The following FXYD3 variants were observed in gnomAD, a reference collection of about 807,000 sequenced individuals.
FXYD3 encodes FXYD domain-containing ion transport regulator 3.
Under a neutral mutation model 19.2 loss-of-function variants are expected in FXYD3, and 13 were observed. That is an observed-to-expected ratio of 0.68 (90% CI 0.44 to 1.08). The LOEUF (loss-of-function observed/expected upper bound fraction) is 1.08, where lower values mean the gene tolerates loss of function less well. Ranked by LOEUF, FXYD3 falls within the 50% of genes least tolerant of loss-of-function variation. The pLI is 0.00. For missense variants in FXYD3, 101 were observed against 109.4 expected, an observed-to-expected ratio of 0.92 and a Z score of 0.34; for synonymous variants, 48 against 38.9, an observed-to-expected ratio of 1.23 and a Z score of -0.87.
intron 2 of FXYD3, among the ~76,000 whole-genome samples, chr19:35,117,752 T>G (rs187227849): frequency 0.15 from 320 of 2,072 alleles, 12 homozygotes; most frequent in African/African-American, 0.33. Flanking sequence ...CAGGCTTTCT[T>G]CCCGCAAAAA....
intron 2 of FXYD3, chr19:35,119,153 C>G (rs1421635402): frequency 6.5e-7 from 1 of 1,543,068 alleles, no homozygotes; most frequent in South Asian, 1.2e-5. Flanking sequence ...GTTATTATGG[C>G]TCCTCCCGCC....
chr19:35,116,071 A>T (rs1282140267), intron 1 of FXYD3, 112 bp downstream of exon 1: 1 of 202,526 alleles, frequency 4.9e-6, no homozygotes, highest in African/African-American at 2.3e-5. Context: ...GATTGGAGAA[A>T]GCTCCTCCCT....
Position 35,123,738 on chromosome 19 carries a change from A to C in FXYD3, c.*281A>C. 1.9e-6 allele frequency: 1 copy of C among 540,170 alleles called. No homozygotes were observed. Among genetic ancestry groups the C allele is most frequent in the Admixed American group, 3.2e-5 (1 of 30,780 alleles). The allele number at this position is 540,170 out of a possible 1,614,324, so 33.5% of individuals were successfully genotyped here. ...AGGTTGGCGTGCCCTGGAGGCTGACACAGAGGCTGGCACTGAGCCTGCTTG... is the reference window on the plus strand; with the variant it reads ...AGGTTGGCGTGCCCTGGAGGCTGACCCAGAGGCTGGCACTGAGCCTGCTTG... On this transcript the variant is annotated 3_prime_UTR_variant, in exon 9 of 9. Transcript: ENST00000604404.
At chr19:35,117,310 G>A (rs1294339062) in intron 2 of FXYD3, 1 of 1,510,864 alleles carries the variant, frequency 6.6e-7, no homozygotes, top group African/African-American at 1.4e-5. Flanking sequence ...GACATCATGG[G>A]AAGGGGGTAT....
chr19:35,117,169 C>T, intron 2 of FXYD3: 1 of 1,377,132 alleles, frequency 7.3e-7, no homozygotes, highest in South Asian at 1.9e-5. Flanking sequence ...CCTCTTCAGA[C>T]AACAGCCTGA....
At chr19:35,120,983 C>T (rs1282046687) in intron 3 of FXYD3, 95 bp from the exon 4 acceptor site, 1 of 1,382,530 alleles carries the variant, frequency 7.2e-7, no homozygotes, top group Non-Finnish European at 1.0e-6. Flanking sequence ...GCAGGAGACC[C>T]TTTCCCAAGG....
chr19:35,123,742 A>G lies in FXYD3; in HGVS notation c.*285A>G. 1.9e-6 allele frequency: 1 copy of G among 530,634 alleles called. No homozygotes were observed. The highest frequency in any genetic ancestry group is 3.2e-5 in the East Asian group (1 of 31,092). 32.9% of individuals were successfully genotyped at this position (530,634 alleles called of 1,614,324 possible). A position where few individuals can be genotyped will look rare whatever the true frequency, so the allele number is the denominator to read the frequency against. ...TGGCGTGCCCTGGAGGCTGACACAG[A>G]GGCTGGCACTGAGCCTGCTTGTTGG... On this transcript the variant is annotated 3_prime_UTR_variant, in exon 9 of 9. Transcript: ENST00000604404.
chr19:35,120,556 C>T (rs1032365375), intron 3 of FXYD3, among the ~76,000 whole-genome samples: 2 of 152,176 alleles, frequency 1.3e-5, no homozygotes, highest in African/African-American at 2.4e-5. Flanking sequence ...TAGGGCAAGA[C>T]CAGTATTCCC....
chr19:35,121,616 G>A (rs1030638332), intron 5 of FXYD3: 14 of 1,137,066 alleles, frequency 1.2e-5, no homozygotes, highest in South Asian at 3.8e-5. Context: ...CCTACTCCCC[G>A]CTCTGCCCTC....
chr19:35,122,794 A>T lies in FXYD3; in HGVS notation c.127A>T (p.Ile43Phe), dbSNP rs1381565382. 6.2e-7 allele frequency: 1 copy of T among 1,613,652 alleles called. No homozygotes were observed. The highest frequency in any genetic ancestry group is 8.5e-7 in the Non-Finnish European group (1 of 1,179,732). Residue 43 changes from isoleucine (I) to phenylalanine (F), a missense_variant, in exon 6 of 9, where the codon ATC (isoleucine) becomes TTC (phenylalanine). By Grantham distance (21) the Ile-to-Phe change is conservative. Coordinates refer to ENST00000604404, the MANE Select transcript of FXYD3 (RefSeq NM_005971.4). ...GCACAGCCTCCAGGTTGGCGGGCTC[A>T]TCTGCGCTGGGGTTCTGTGCGCCAT... is the stretch of plus-strand genomic sequence containing the variant. ...DWHSLQVGGL[I>F]CAGVLCAMGI...
Position 35,121,128 on chromosome 19 carries a change from C to T in FXYD3, c.73+18C>T. 6.2e-7 allele frequency: 1 copy of T among 1,613,860 alleles called. No individual in the cohort carries two copies. The highest frequency in any genetic ancestry group is 2.2e-5 in the East Asian group (1 of 44,886). On this transcript the variant is annotated intron_variant, in intron 4 of 8. Transcript: ENST00000604404. ...CCTAGAAGGTGAGTCAGACTGGACTCTCACCCGTCACACCCCCAAATTCTC... is the reference window on the plus strand; with the variant it reads ...CCTAGAAGGTGAGTCAGACTGGACTTTCACCCGTCACACCCCCAAATTCTC...
chr19:35,122,593 T>C, intron 5 of FXYD3, 172 bp from the exon 6 acceptor site: 1 of 619,814 alleles, frequency 1.6e-6, no homozygotes, highest in Non-Finnish European at 2.9e-6. Flanking sequence ...CAGATCGTGT[T>C]TGCTGGTGTG....
intron 3 of FXYD3, among the ~76,000 whole-genome samples, chr19:35,120,157 G>A (rs927027721): frequency 4.2e-5 from 5 of 119,750 alleles, no homozygotes; most frequent in South Asian, 5.5e-4. Context: ...TTTTTTTTTC[G>A]GAGACAGAGT....
At position 35,119,198 on chromosome 19, in the gene FXYD3, G is replaced by A. The variant is rs776146220; in HGVS notation, c.-14-165G>A. ...AGTTTCACCCAGTCCCCACTCCACG[G>A]TGCAGCTGCGGCTTATCTCTCAGCC... On this transcript the variant is annotated intron_variant, in intron 2 of 8. Transcript: ENST00000604404. The A allele has an allele frequency of 1.3e-6, 2 of 1,571,034 alleles. No homozygotes were observed. Among genetic ancestry groups the A allele is most frequent in the Non-Finnish European group, 1.7e-6 (2 of 1,157,764 alleles).
Position 35,123,502 on chromosome 19 carries a change from C to G in FXYD3, c.*45C>G. On this transcript the variant is annotated 3_prime_UTR_variant, in exon 9 of 9. Transcript: ENST00000604404. ...ATTGGGTGGAGGACCGTTCTCTGTC[C>G]CCAGGTCCTGTCTCTGCACAGAAAC... The G allele has an allele frequency of 6.2e-7, 1 of 1,607,344 alleles. No homozygotes were observed.
At chr19:35,117,434 G>T in intron 2 of FXYD3, 1 of 1,360,182 alleles carries the variant, frequency 7.4e-7, no homozygotes, top group South Asian at 1.8e-5. Context: ...AATTTGCAGG[G>T]GTTACAGGAT....
rs540608257 is a variant in FXYD3 at position 35,122,964 on chromosome 19, T to C, written c.209+10T>C. The C allele has an allele frequency of 3.8e-6, 6 of 1,571,996 alleles. No homozygotes were observed. In the South Asian group the frequency reaches 6.0e-5, roughly 16 times the overall value. Reference sequence around the variant, plus strand: ...TTGGCCAGAAGTCCGGGTAAGATACTGTTCCGGCATGCCCGCCTCAGGCTG... The same window carrying C: ...TTGGCCAGAAGTCCGGGTAAGATACCGTTCCGGCATGCCCGCCTCAGGCTG... On this transcript the variant is annotated intron_variant, in intron 7 of 8. Coordinates refer to ENST00000604404, the MANE Select transcript of FXYD3 (RefSeq NM_005971.4).
At chr19:35,123,372 G>C in intron 8 of FXYD3, 64 bp downstream of exon 8, 1 of 1,611,162 alleles carries the variant, frequency 6.2e-7, no homozygotes, top group Non-Finnish European at 8.5e-7. Context: ...GTGTGTATGT[G>C]TGTGTTTGCA....
At position 35,119,426 on chromosome 19, in the gene FXYD3, C is replaced by T. The variant is rs1402831823; in HGVS notation, c.40+10C>T. ...CTTGTGTTCCTGGCAGGTGAGTACC[C>T]ATCCCCCGTCTGCCTTTTCCTCTGG... On this transcript the variant is annotated intron_variant, in intron 3 of 8. Coordinates refer to ENST00000604404, the MANE Select transcript of FXYD3 (RefSeq NM_005971.4). 1.2e-6 allele frequency: 2 copies of T among 1,613,048 alleles called. No homozygotes were observed. The highest frequency in any genetic ancestry group is 2.2e-5 in the South Asian group (2 of 91,048).
Sources: allele counts gnomAD v4.1 joint callset (sites outside exome capture counted in the v4.1 genomes callset), GRCh38; gene constraint gnomAD v4.1.1; transcripts MANE v1.5; gene names NCBI Gene and HGNC (gene_info 2026-07-23, HGNC 2026-07-21).